SEMA6C: variants seen among roughly 807,000 people sequenced by gnomAD.
SEMA6C encodes semaphorin 6C, also known as semaphorin-6C.
SEMA6C carries 37 observed loss-of-function variants against 72.9 expected under a neutral mutation model. The ratio of observed to expected loss-of-function variants is 0.51; its 90% confidence interval spans 0.39 to 0.67. The LOEUF (loss-of-function observed/expected upper bound fraction) is 0.67, where lower values mean the gene tolerates loss of function less well. Among genes scored for constraint, SEMA6C ranks in the 30% least tolerant of loss-of-function variants. The pLI is 0.00. For missense variants in SEMA6C, 1,189 were observed against 1,263.6 expected (o/e 0.94, Z 0.89); for synonymous variants, 578 against 554.1 (o/e 1.04, Z -0.61).
At position 151,133,930 on chromosome 1, in the gene SEMA6C, AC is replaced by A. The variant is rs1307069644; in HGVS notation, c.1760-414del. On this transcript the variant is annotated intron_variant, in intron 18 of 18. Coordinates refer to ENST00000368914, the MANE Select transcript of SEMA6C (RefSeq NM_030913.6). This position sits in a 1 kb window ranked among gnomAD's most constrained non-coding sequence, Gnocchi z 5.9. ...CCGAGAATCAGCAGCCCCACACTTC[AC>A]TCCTATCTCTCCCAAGTAGCCCCCT... 6.8e-7 allele frequency: 1 copy of A among 1,475,562 alleles called. No individual in the cohort carries two copies. Among genetic ancestry groups the A allele is most frequent in the South Asian group, 1.2e-5 (1 of 82,596 alleles). The allele number at this position is 1,475,562 out of a possible 1,614,324, so 91.4% of individuals were successfully genotyped here. A position where few individuals can be genotyped will look rare whatever the true frequency, so the allele number is the denominator to read the frequency against.
chr1:151,135,427 C>T, intron 14 of SEMA6C, 118 bp from the exon 15 acceptor site: 3 of 1,455,710 alleles, frequency 2.1e-6, no homozygotes, highest in South Asian at 2.6e-5. Context: ...CATGGAGCTG[C>T]CCCGCCCTAC....
chr1:151,135,975 C>A lies in SEMA6C; in HGVS notation c.1259+36G>T, dbSNP rs201760061. ...AAAGAAAGAGGAGGGTGGCTGAGAA[C>A]AGGGAGGCAGTGGTCAGTGTTTTTC... On this transcript the variant is annotated intron_variant, in intron 13 of 18. Coordinates refer to ENST00000368914, the MANE Select transcript of SEMA6C (RefSeq NM_030913.6). 2.3e-4 allele frequency: 377 copies of A among 1,613,062 alleles called. 5 individuals are homozygous for A. In the Middle Eastern group the frequency reaches 6.3e-3, roughly 27 times the overall value.
chr1:151,134,268 G>T, intron 18 of SEMA6C, 133 bp downstream of exon 18: 1 of 891,832 alleles, frequency 1.1e-6, no homozygotes, highest in Non-Finnish European at 1.8e-6. Context: ...CTACATGCTG[G>T]GTATCTGGAG....
Position 151,133,767 on chromosome 1 carries a change from G to A in SEMA6C, c.1760-250C>T, listed in dbSNP as rs1681784005. Among the ~76,000 whole-genome samples the A allele has an allele frequency of 6.6e-6, 1 of 152,104 alleles. No individual in the cohort carries two copies. On this transcript the variant is annotated intron_variant, in intron 18 of 18. Coordinates refer to ENST00000368914, the MANE Select transcript of SEMA6C (RefSeq NM_030913.6). This position sits in a 1 kb window ranked among gnomAD's most constrained non-coding sequence, Gnocchi z 5.9. ...ATTCCCCATCCCACTTCTGGCCCCT[G>A]TAGCCATGCCAAGAGCAACTGCCAA...
In SEMA6C at chr1:151,136,878, A is replaced by G. The variant is rs752834233; in HGVS notation, c.953T>C (p.Val318Ala). Residue 318 changes from valine (V) to alanine (A), a missense_variant, in exon 11 of 19, where the codon GTC (valine) becomes GCC (alanine). Physicochemically the swap from Val to Ala is moderately conservative, Grantham distance 64. Around this residue, in one of 2 missense-constraint regions of SEMA6C, gnomAD observed 468 missense variants for 577.4 expected, o/e 0.81. Transcript: ENST00000368914. ...CAACCTATTGGTCTGGGTGGTGAAG[A>G]CCCCAAAGAGAGCAGAGCGGCCATG... ...NLHGRSALFG[V>A]FTTQTNSIPG... 1.9e-6 allele frequency: 3 copies of G among 1,613,844 alleles called. No individual in the cohort carries two copies. Among genetic ancestry groups the G allele is most frequent in the Non-Finnish European group, 2.5e-6 (3 of 1,179,988 alleles).
intron 3 of SEMA6C, among the ~76,000 whole-genome samples, chr1:151,141,237 G>C (rs1427114839): frequency 1.3e-5 from 2 of 152,148 alleles, no homozygotes; most frequent in African/African-American, 4.8e-5. Flanking sequence ...ACCAGTGGTA[G>C]AGAGGCGAGT....
rs1391593905 is a variant in SEMA6C, at chr1:151,136,330, A to AC, written c.1106+117dup. On this transcript the variant is annotated intron_variant, in intron 12 of 18. Coordinates refer to ENST00000368914, the MANE Select transcript of SEMA6C (RefSeq NM_030913.6). The stretch of plus-strand genomic sequence containing the variant: ...GCCGCAGCTCTTCGGCCCCACTGCC[A>AC]CCCCACTATAGCTCCCCACCCTGAG... 2.7e-6 allele frequency: 4 copies of AC among 1,493,440 alleles called. No homozygotes were observed. The East Asian group carries it at 9.1e-5, about 34-fold the overall frequency. 92.5% of individuals were successfully genotyped at this position (1,493,440 alleles called of 1,614,324 possible). A position where few individuals can be genotyped will look rare whatever the true frequency, so the allele number is the denominator to read the frequency against.
At chr1:151,138,525 C>A in intron 7 of SEMA6C, 105 bp downstream of exon 7, 1 of 1,417,908 alleles carries the variant, frequency 7.1e-7, no homozygotes, top group East Asian at 2.3e-5. Context: ...GCATTCTGGG[C>A]ACTCCCATTC....
chr1:151,140,497 C>A (rs776024185), intron 3 of SEMA6C, among the ~76,000 whole-genome samples: 18 of 152,284 alleles, frequency 1.2e-4, no homozygotes, highest in Admixed American at 3.3e-4. Flanking sequence ...TGTGCACTGT[C>A]CCACTGGAGC....
Position 151,132,895 on chromosome 1 carries a change from C to T in SEMA6C, c.2382G>A (p.Ala794=). ...GGGCGGGGGCGGGCTCCGGCGGGAG[C>T]GCCCGCGAGGTTAAAGGGGCGGGGG... ...AEPPAPLTSR[A]LPPEPAPALL... The change falls in exon 19 of 19, where the codon GCG becomes GCA. Residue 794 remains alanine, a synonymous_variant. Transcript: ENST00000368914. 3 of 1,321,308 alleles carry T rather than the reference C, an allele frequency of 2.3e-6. No homozygotes were observed. Among genetic ancestry groups the T allele is most frequent in the South Asian group, 1.6e-5 (1 of 62,498 alleles). The allele number at this position is 1,321,308 out of a possible 1,614,324, so 81.8% of individuals were successfully genotyped here.
intron 2 of SEMA6C, among the ~76,000 whole-genome samples, chr1:151,143,066 G>A (rs1015294233): frequency 6.6e-6 from 1 of 152,146 alleles, no homozygotes; most frequent in Non-Finnish European, 1.5e-5. Context: ...TGACTCCTTG[G>A]CACTGGGAGG....
At chr1:151,136,738 G>A in intron 11 of SEMA6C, 119 bp downstream of exon 11, 1 of 1,342,650 alleles carries the variant, frequency 7.4e-7, no homozygotes, top group Non-Finnish European at 1.0e-6. Context: ...TGGCAACACA[G>A]CAAACTGGCT....
At position 151,135,645 on chromosome 1, in the gene SEMA6C, G is replaced by C. The variant is rs781445764; in HGVS notation, c.1379C>G (p.Ser460Cys). ...VLKVLTPGGR[S>C]GGPEPILLEE... is the part of the protein sequence containing the mutation. Reference sequence around the variant, plus strand: ...CAGGAGGATGGGCTCAGGTCCCCCGGATCGCCCACCTGGGGTCAGCACCTT... The same window carrying C: ...CAGGAGGATGGGCTCAGGTCCCCCGCATCGCCCACCTGGGGTCAGCACCTT... The change falls in exon 14 of 19, where the codon TCC becomes TGC. Residue 460 changes from serine (S) to cysteine (C), a missense_variant. This residue lies in a region of SEMA6C where 721 missense variants were observed against 686.2 expected (regional missense o/e 1.05). Transcript: ENST00000368914. 1.9e-6 allele frequency: 3 copies of C among 1,614,066 alleles called. No homozygotes were observed. In the South Asian group the frequency reaches 3.3e-5, roughly 18 times the overall value.
At position 151,133,862 on chromosome 1, in the gene SEMA6C, T is replaced by C; in HGVS notation, c.1760-345A>G. On this transcript the variant is annotated intron_variant, in intron 18 of 18. Transcript: ENST00000368914. This position sits in a 1 kb window ranked among gnomAD's most constrained non-coding sequence, Gnocchi z 5.9. ...GGGGAAGGGAGGCTCCAAACAGGCG[T>C]TAGTGAGCACCAAACACCATTCAGT... 1 of 1,099,898 alleles carries C rather than the reference T, an allele frequency of 9.1e-7. No homozygotes were observed. Among genetic ancestry groups the C allele is most frequent in the Non-Finnish European group, 1.3e-6 (1 of 757,942 alleles). 68.1% of individuals were successfully genotyped at this position (1,099,898 alleles called of 1,614,324 possible).
intron 6 of SEMA6C, 151 bp from the exon 7 acceptor site, chr1:151,138,882 C>G (rs1364150393): frequency 1.5e-6 from 1 of 645,530 alleles, no homozygotes; most frequent in East Asian, 2.8e-5. Context: ...TGCCTGAGTT[C>G]AGGAGTTCAA....
Position 151,135,652 on chromosome 1 carries a change from C to T in SEMA6C, c.1372G>A (p.Gly458Arg), listed in dbSNP as rs1193405563. 4 of 1,614,214 alleles carry T rather than the reference C, an allele frequency of 2.5e-6. No individual in the cohort carries two copies. In the East Asian group the frequency reaches 8.9e-5, roughly 36 times the overall value. The change falls in exon 14 of 19, where the codon GGG becomes AGG. Residue 458 changes from glycine to arginine, a missense_variant. Transcript: ENST00000368914. ...ATGGGCTCAGGTCCCCCGGATCGCCCACCTGGGGTCAGCACCTTCAGCACT... is the reference window on the plus strand; with the variant it reads ...ATGGGCTCAGGTCCCCCGGATCGCCTACCTGGGGTCAGCACCTTCAGCACT... ...GTVLKVLTPG[G>R]RSGGPEPILL...
rs1431361446 is a variant in SEMA6C, at chr1:151,133,119, C to G, written c.2158G>C (p.Glu720Gln). ...KHLRAAGDPW[E>Q]WNQNRNNAKE... is the part of the protein sequence containing the mutation. ...GCGTTGTTCCTGTTCTGGTTCCACT[C>G]CCAGGGGTCCCCGGCGGCGCGGAGG... The change falls in exon 19 of 19, where the codon GAG (glutamate) becomes CAG (glutamine). Residue 720 changes from glutamate to glutamine, a missense_variant. Glu to Gln is a conservative substitution (Grantham distance 29). Transcript: ENST00000368914. The surrounding 1 kb of genome is among the most constrained non-coding windows in gnomAD (Gnocchi z 5.9). 6.4e-7 allele frequency: 1 copy of G among 1,565,678 alleles called. No homozygotes were observed. Among genetic ancestry groups the G allele is most frequent in the Non-Finnish European group, 8.6e-7 (1 of 1,167,398 alleles).
chr1:151,142,423 C>T lies in SEMA6C; in HGVS notation c.118+81G>A. 1.9e-6 allele frequency: 3 copies of T among 1,549,934 alleles called. No individual in the cohort carries two copies. The Middle Eastern group carries it at 5.1e-4, about 261-fold the overall frequency. On this transcript the variant is annotated intron_variant, in intron 3 of 18. Coordinates refer to ENST00000368914, the MANE Select transcript of SEMA6C (RefSeq NM_030913.6). ...TTAGCTTCCTGAGGCTGGGAGCCTT[C>T]CTGCACCTTGCCTCCCACACAGGGG...
chr1:151,138,443 G>T, intron 7 of SEMA6C, 37 bp from the exon 8 acceptor site: 4 of 1,589,426 alleles, frequency 2.5e-6, no homozygotes, highest in Non-Finnish European at 3.4e-6. Flanking sequence ...GAACCTTTAG[G>T]GTCTTGGAGT....
Sources: allele counts gnomAD v4.1 joint callset (sites outside exome capture counted in the v4.1 genomes callset), GRCh38; gene constraint gnomAD v4.1.1; regional missense constraint gnomAD v4.1.1; non-coding constraint Gnocchi (gnomAD v3.1); transcripts MANE v1.5; gene names NCBI Gene and HGNC (gene_info 2026-07-23, HGNC 2026-07-21).